USP35: variants seen among roughly 807,000 people sequenced by gnomAD.
The protein encoded by USP35 is ubiquitin specific peptidase 35.
Under a neutral mutation model 83.8 loss-of-function variants are expected in USP35, and 69 were observed. That is an observed-to-expected ratio of 0.82 (90% CI 0.68 to 1.01). The LOEUF is 1.01. Ranked by LOEUF, USP35 falls within the 50% of genes least tolerant of loss-of-function variation. The pLI is 0.00. For synonymous variants in USP35, 714 were observed against 589.5 expected (o/e 1.21, Z -3.06); for missense variants, 1,503 against 1,362.5 (o/e 1.10, Z -1.62).
At chr11:78,222,259 A>G in the USP35 span, 2 of 998,316 alleles carry the variant, frequency 2.0e-6, no homozygotes, top group Non-Finnish European at 3.2e-6. Flanking sequence ...TACACACCTT[A>G]TATATAACAC....
chr11:78,226,545 C>T, the USP35 span: 2 of 1,502,722 alleles, frequency 1.3e-6, no homozygotes, highest in Non-Finnish European at 1.8e-6. Flanking sequence ...GCTATTTTCA[C>T]TGATTGGCGG....
intron 1 of USP35, among the ~76,000 whole-genome samples, chr11:78,190,755 G>T (rs1361306489): frequency 2.0e-5 from 3 of 152,210 alleles, no homozygotes; most frequent in African/African-American, 7.2e-5. Flanking sequence ...CATGTGAGCT[G>T]GGCATTGAAG....
intron 9 of USP35, 29 bp downstream of exon 9, chr11:78,208,992 C>T (rs1385454648): frequency 1.9e-6 from 3 of 1,608,610 alleles, no homozygotes; most frequent in Non-Finnish European, 2.6e-6. Context: ...CGCGAAGACT[C>T]CAGGTCTAGA....
Position 78,196,427 on chromosome 11 carries a change from G to GCTGCCAGCTGCTGCACGTGGC in USP35, c.184_204dup (p.Cys62_Ala68dup). The GCTGCCAGCTGCTGCACGTGGC allele has an allele frequency of 7.8e-7, 1 of 1,285,520 alleles. No individual in the cohort carries two copies. Among genetic ancestry groups the GCTGCCAGCTGCTGCACGTGGC allele is most frequent in the Non-Finnish European group, 9.8e-7 (1 of 1,018,378 alleles). 79.6% of individuals were successfully genotyped at this position (1,285,520 alleles called of 1,614,324 possible). A position where few individuals can be genotyped will look rare whatever the true frequency, so the allele number is the denominator to read the frequency against. ...GCGGAGGAGCTGCCGCGCCGCGTGG[G>GCTGCCAGCTGCTGCACGTGGC]CTGCCAGCTGCTGCACGTGGCCGGC... On this transcript the variant is annotated inframe_insertion, in exon 2 of 11. Coordinates refer to ENST00000529308, the MANE Select transcript of USP35 (RefSeq NM_020798.4). This position sits in a 1 kb window ranked among gnomAD's most constrained non-coding sequence, Gnocchi z 4.8.
chr11:78,197,823 C>T, intron 2 of USP35, 113 bp from the exon 3 acceptor site: 1 of 1,432,126 alleles, frequency 7.0e-7, no homozygotes, highest in Non-Finnish European at 9.2e-7. Context: ...GTGGCCTCTG[C>T]TGTGCTCTTC....
chr11:78,222,559 A>G, the USP35 span, among the ~76,000 whole-genome samples: 2 of 148,464 alleles, frequency 1.3e-5, no homozygotes, highest in African/African-American at 4.9e-5. Context: ...ATTTATAAAA[A>G]TATATACTAT....
Position 78,209,809 on chromosome 11 carries a change from A to AC in USP35, c.1962dup (p.Thr655HisfsTer74), listed in dbSNP as rs764735138. 214 of 1,609,398 alleles carry AC rather than the reference A, an allele frequency of 1.3e-4. No homozygotes were observed. The highest frequency in any genetic ancestry group is 1.5e-4 in the African/African-American group (11 of 74,342). ...AAGGAAACACTGCATCACAGAGGAC[A>AC]CCCCCCCCACCAGCCTGTACATCGA... On this transcript the variant is annotated frameshift_variant, in exon 10 of 11. Coordinates refer to ENST00000529308, the MANE Select transcript of USP35 (RefSeq NM_020798.4). LOFTEE classifies it high-confidence loss of function.
chr11:78,190,955 T>A (rs1031278549), intron 1 of USP35, among the ~76,000 whole-genome samples: 1 of 152,244 alleles, frequency 6.6e-6, no homozygotes, highest in Non-Finnish European at 1.5e-5. Flanking sequence ...GGCTTGCATG[T>A]CCGGCTCAGG....
At chr11:78,207,326 A>G (rs954964413) in intron 7 of USP35, 9 of 564,260 alleles carry the variant, frequency 1.6e-5, no homozygotes, top group South Asian at 1.0e-4. Context: ...AAACATGTCT[A>G]TTGTTGTGTT....
At chr11:78,209,412 C>T in intron 9 of USP35, 36 bp from the exon 10 acceptor site, 4 of 1,540,862 alleles carry the variant, frequency 2.6e-6, no homozygotes, top group Non-Finnish European at 3.5e-6. Flanking sequence ...AGGGGACCCG[C>T]ATGTACATGT....
At chr11:78,207,376 C>T (rs1158569976) in intron 7 of USP35, 154 bp from the exon 8 acceptor site, 10 of 677,340 alleles carry the variant, frequency 1.5e-5, no homozygotes, top group Non-Finnish European at 2.6e-5. Flanking sequence ...TTCACCTGCT[C>T]CTCCTCCCCA....
chr11:78,219,119 G>T, downstream of USP35: 1 of 685,160 alleles, frequency 1.5e-6, no homozygotes, highest in Admixed American at 2.9e-5. Flanking sequence ...CCCAGGGGAA[G>T]GGTTCAGGGT....
At chr11:78,225,778 T>C in the USP35 span, among the ~76,000 whole-genome samples, 16 of 152,230 alleles carry the variant, frequency 1.1e-4, no homozygotes, top group Non-Finnish European at 1.6e-4. Context: ...ATTGGCCTCA[T>C]GTGAGATGGA....
chr11:78,209,925 GGAA>G lies in USP35; in HGVS notation c.2075_2077del (p.Glu692del). The G allele has an allele frequency of 6.2e-6, 10 of 1,603,388 alleles. No individual in the cohort carries two copies. The highest frequency in any genetic ancestry group is 6.0e-6 in the Non-Finnish European group (7 of 1,174,556). ...AAGGGAAGGAGGAGAGAACGGAGAA[GGAA>G]GAAGTGGGGGAGGAGGAGGAAAGCA... On this transcript the variant is annotated inframe_deletion, in exon 10 of 11. Coordinates refer to ENST00000529308, the MANE Select transcript of USP35 (RefSeq NM_020798.4).
chr11:78,208,460 A>G (rs1320365620), intron 8 of USP35, among the ~76,000 whole-genome samples: 6 of 152,138 alleles, frequency 3.9e-5, no homozygotes, highest in African/African-American at 1.4e-4. Flanking sequence ...GAAATGAGTA[A>G]TCCCTCCCTG....
At chr11:78,197,226 G>GA (rs1198918699) in intron 2 of USP35, among the ~76,000 whole-genome samples, 4 of 145,744 alleles carry the variant, frequency 2.7e-5, no homozygotes, top group Non-Finnish European at 3.1e-5. Flanking sequence ...ACAGGATTTG[G>GA]GGCGGGGGAG....
intron 1 of USP35, among the ~76,000 whole-genome samples, chr11:78,193,684 C>T (rs1199359735): frequency 6.6e-6 from 1 of 152,198 alleles, no homozygotes; most frequent in Non-Finnish European, 1.5e-5. Flanking sequence ...GCTCAGAGAG[C>T]CTAAGTAACC....
intron 6 of USP35, among the ~76,000 whole-genome samples, chr11:78,202,774 G>C (rs774488173): frequency 1.3e-5 from 2 of 152,244 alleles, no homozygotes; most frequent in Non-Finnish European, 2.9e-5. Context: ...GGACTTCCCT[G>C]TGTCAGGTGT....
intron 10 of USP35, among the ~76,000 whole-genome samples, chr11:78,212,763 G>T (rs569463287): frequency 1.3e-5 from 2 of 152,144 alleles, no homozygotes; most frequent in South Asian, 4.1e-4. Context: ...GAGAGTTGCT[G>T]AAGTTGCTTA....
Sources: allele counts gnomAD v4.1 joint callset (sites outside exome capture counted in the v4.1 genomes callset), GRCh38; gene constraint gnomAD v4.1.1; non-coding constraint Gnocchi (gnomAD v3.1); transcripts MANE v1.5; gene names NCBI Gene and HGNC (gene_info 2026-07-23, HGNC 2026-07-21).